The following CELA1 variants were observed in gnomAD, a reference collection of about 807,000 sequenced individuals.
CELA1 encodes chymotrypsin-like elastase family member 1.
A neutral mutation model predicts 34.8 loss-of-function variants in CELA1; 28 were observed. The ratio of observed to expected loss-of-function variants is 0.80; its 90% confidence interval spans 0.60 to 1.10. The LOEUF is 1.10. CELA1 is among the 50% of genes least tolerant of loss of function. The pLI, the probability that CELA1 is intolerant of heterozygous loss-of-function variation, is 0.00. For missense variants in CELA1, 288 were observed against 327.5 expected (o/e 0.88, Z 0.93); for synonymous variants, 140 against 129.8 (o/e 1.08, Z -0.53).
chr12:51,342,800 A>T, intron 3 of CELA1, 100 bp from the exon 4 acceptor site: 1 of 1,303,462 alleles, frequency 7.7e-7, no homozygotes, highest in Non-Finnish European at 1.0e-6. Flanking sequence ...TTTAATCATT[A>T]TTATTTAGGA....
chr12:51,343,458 C>T (rs1014205884), intron 3 of CELA1, among the ~76,000 whole-genome samples: 20 of 152,222 alleles, frequency 1.3e-4, no homozygotes, highest in Non-Finnish European at 5.9e-5. Context: ...ACTCAATCCT[C>T]ACAACATTTC....
chr12:51,338,255 T>TACACACACAC (rs758082342), intron 6 of CELA1, among the ~76,000 whole-genome samples: 1,827 of 116,728 alleles, frequency 0.016, 28 homozygotes, highest in Middle Eastern at 0.025. Flanking sequence ...AAAAAAAACA[T>TACACACACAC]ACACACACAC....
At chr12:51,339,756 G>A in intron 6 of CELA1, 104 bp downstream of exon 6, 1 of 1,177,590 alleles carries the variant, frequency 8.5e-7, no homozygotes, top group Non-Finnish European at 1.2e-6. Flanking sequence ...AATTGAGTCT[G>A]TGTAGGACTA....
chr12:51,331,949 AG>A (rs1298289775), intron 6 of CELA1, among the ~76,000 whole-genome samples: 1 of 152,100 alleles, frequency 6.6e-6, no homozygotes, highest in Non-Finnish European at 1.5e-5. Flanking sequence ...AGGCTGAGGC[AG>A]GAGGACTGCT....
intron 4 of CELA1, among the ~76,000 whole-genome samples, 195 bp downstream of exon 4, chr12:51,342,380 A>G (rs1358446213): frequency 6.6e-6 from 1 of 152,142 alleles, no homozygotes; most frequent in African/African-American, 2.4e-5. Flanking sequence ...GAGCCAGCTC[A>G]TTGCTCCCTC....
rs571756403 is a variant in CELA1, at chr12:51,332,448, G to C, written c.610-2615C>G. 3.7e-3 allele frequency among the ~76,000 whole-genome samples: 559 copies of C among 152,274 alleles called. 5 individuals are homozygous for C. The highest frequency in any genetic ancestry group is 0.013 in the African/African-American group (539 of 41,538). On this transcript the variant is annotated intron_variant, in intron 6 of 7. Coordinates refer to ENST00000293636, the MANE Select transcript of CELA1 (RefSeq NM_001971.6). ...GTAAGTATATAATTTTAAAGATGTA[G>C]ACACCAAAAGAATCAGCTGAAGAGT...
chr12:51,330,943 C>G (rs1946465571), intron 6 of CELA1, among the ~76,000 whole-genome samples: 2 of 135,916 alleles, frequency 1.5e-5, no homozygotes, highest in Admixed American at 1.6e-4. Context: ...GGGCTCCAGC[C>G]TGGGCGACAG....
intron 6 of CELA1, among the ~76,000 whole-genome samples, chr12:51,334,264 T>C (rs1946488426): frequency 6.6e-6 from 1 of 152,202 alleles, no homozygotes; most frequent in Non-Finnish European, 1.5e-5. Context: ...GATGAAGGCC[T>C]AGAAGAGGTT....
chr12:51,333,527 G>A (rs1245674755), intron 6 of CELA1, among the ~76,000 whole-genome samples: 2 of 151,792 alleles, frequency 1.3e-5, no homozygotes, highest in African/African-American at 4.8e-5. Context: ...CCAAGTAGCT[G>A]GGACCACAGT....
At position 51,328,542 on chromosome 12, in the gene CELA1, C is replaced by A. The variant is rs1283028957; in HGVS notation, c.*35G>T. ...GCAAGTCCTACTGCAGATCTAAGAA[C>A]CATTTTGGGAAGGTCGTTGGACTCA... On this transcript the variant is annotated 3_prime_UTR_variant, in exon 8 of 8. Coordinates refer to ENST00000293636, the MANE Select transcript of CELA1 (RefSeq NM_001971.6). 1.2e-6 allele frequency: 2 copies of A among 1,613,044 alleles called. No homozygotes were observed. The highest frequency in any genetic ancestry group is 1.7e-5 in the Admixed American group (1 of 60,020).
At position 51,343,819 on chromosome 12, in the gene CELA1, T is replaced by G. The variant is rs772876214; in HGVS notation, c.134A>C (p.Tyr45Ser). 3.1e-6 allele frequency: 5 copies of G among 1,609,496 alleles called. No homozygotes were observed. The highest frequency in any genetic ancestry group is 4.2e-6 in the Non-Finnish European group (5 of 1,176,750). The change falls in exon 3 of 8, where the codon TAT becomes TCT. Residue 45 changes from tyrosine (Y) to serine (S), a missense_variant. Transcript: ENST00000293636. ...SLQYRSGGSRYHTCGGTLIRQ... is the reference protein window; with the variant it reads ...SLQYRSGGSRSHTCGGTLIRQ... ...GATAAGGGTCCCTCCACAGGTGTGA[T>G]ACCGGGAACCTCCAGACCGGTACTG...
chr12:51,335,576 C>T (rs1946495858), intron 6 of CELA1, among the ~76,000 whole-genome samples: 1 of 151,684 alleles, frequency 6.6e-6, no homozygotes, highest in Non-Finnish European at 1.5e-5. Context: ...TTAGAAGATC[C>T]ACTCCCTCCA....
intron 5 of CELA1, 100 bp from the exon 6 acceptor site, chr12:51,340,105 G>T: frequency 2.7e-6 from 3 of 1,094,274 alleles, no homozygotes; most frequent in South Asian, 3.2e-5. Flanking sequence ...TGAAAGCTGA[G>T]CTCAGGGCAA....
At chr12:51,340,132 T>A in intron 5 of CELA1, 127 bp from the exon 6 acceptor site, 1 of 769,160 alleles carries the variant, frequency 1.3e-6, no homozygotes, top group Non-Finnish European at 2.0e-6. Flanking sequence ...TCTCTCTCCC[T>A]GTTGCATGTG....
intron 6 of CELA1, among the ~76,000 whole-genome samples, chr12:51,331,568 CAA>C (rs1053986187): frequency 9.2e-5 from 14 of 152,240 alleles, no homozygotes; most frequent in African/African-American, 2.9e-4. Flanking sequence ...ATAGAGAAAA[CAA>C]GAGGACCAGC....
At chr12:51,328,979 G>A (rs1023171772) in intron 7 of CELA1, among the ~76,000 whole-genome samples, 7 of 152,096 alleles carry the variant, frequency 4.6e-5, no homozygotes, top group African/African-American at 1.7e-4. Context: ...AGAGCAGGCC[G>A]GGCGCTGTGG....
chr12:51,337,308 G>A (rs1220524600), intron 6 of CELA1, among the ~76,000 whole-genome samples: 1 of 152,172 alleles, frequency 6.6e-6, no homozygotes. Flanking sequence ...GCCAAGGCAG[G>A]AGGATTGCTT....
intron 6 of CELA1, 92 bp downstream of exon 6, chr12:51,339,768 G>T: frequency 7.7e-7 from 1 of 1,306,466 alleles, no homozygotes; most frequent in Non-Finnish European, 1.1e-6. Context: ...GTAGGACTAA[G>T]AGTAAGTGTC....
intron 6 of CELA1, among the ~76,000 whole-genome samples, chr12:51,335,890 A>G (rs895875638): frequency 6.6e-6 from 1 of 152,036 alleles, no homozygotes; most frequent in African/African-American, 2.4e-5. Flanking sequence ...TCCTGCCTCA[A>G]TCTGCCAAAA....
Sources: allele counts gnomAD v4.1 joint callset (sites outside exome capture counted in the v4.1 genomes callset), GRCh38; gene constraint gnomAD v4.1.1; transcripts MANE v1.5; gene names NCBI Gene and HGNC (gene_info 2026-07-23, HGNC 2026-07-21).